Variants in AGBL1 observed in about 807,000 individuals in gnomAD.
AGBL1 encodes cytosolic carboxypeptidase 4.
Under a neutral mutation model 118.9 loss-of-function variants are expected in AGBL1, and 130 were observed. That is an observed-to-expected ratio of 1.09 (90% confidence interval 0.95 to 1.26). The LOEUF (loss-of-function observed/expected upper bound fraction) is 1.26. Ranked by LOEUF, AGBL1 falls within the 50% of genes most tolerant of loss-of-function variation. The pLI is 0.00. For missense variants in AGBL1, 1,584 were observed against 1,298.1 expected, an observed-to-expected ratio of 1.22 and a Z score of -3.38; for synonymous variants, 555 against 478.9, an observed-to-expected ratio of 1.16 and a Z score of -2.08.
intron 6 of AGBL1, among the ~76,000 whole-genome samples, chr15:86,230,395 G>A (rs1005672594): frequency 8.5e-5 from 13 of 152,232 alleles, no homozygotes; most frequent in African/African-American, 3.1e-4. Context: ...GGAGTCCTCA[G>A]AATGGCAATA....
chr15:86,825,452 C>A (rs1345331739), intron 22 of AGBL1, among the ~76,000 whole-genome samples: 2 of 73,808 alleles, frequency 2.7e-5, no homozygotes, highest in African/African-American at 5.1e-5. Flanking sequence ...TGGGAAAGAA[C>A]TTTTATCAAT....
rs563873715 is a variant in AGBL1 at position 86,622,857 on chromosome 15, A to G, written c.2995-51416A>G. Among the ~76,000 whole-genome samples, 6 of 152,248 alleles carry G rather than the reference A, an allele frequency of 3.9e-5. No individual in the cohort carries two copies. The South Asian group carries it at 1.2e-3, about 32-fold the overall frequency. On this transcript the variant is annotated intron_variant, in intron 21 of 22. Coordinates refer to ENST00000614907, the MANE Select transcript of AGBL1 (RefSeq NM_001386094.1). ...ATTATACAACTCACCATAATGTAGAATCAGTGGGAGCCCTGAACTCATTTT... is the reference window on the plus strand; with the variant it reads ...ATTATACAACTCACCATAATGTAGAGTCAGTGGGAGCCCTGAACTCATTTT...
At chr15:86,746,308 A>G (rs1400515044) in intron 22 of AGBL1, among the ~76,000 whole-genome samples, 1 of 152,120 alleles carries the variant, frequency 6.6e-6, no homozygotes, top group African/African-American at 2.4e-5. Flanking sequence ...ATTTCTTCAA[A>G]CATGACATAT....
chr15:86,485,397 A>AT (rs5814243), intron 18 of AGBL1, among the ~76,000 whole-genome samples: 104,303 of 151,932 alleles, frequency 0.69, 37,017 homozygotes, highest in African/African-American at 0.83. Context: ...AACTATACTT[A>AT]TTTTAATACA....
chr15:86,942,680 G>C (rs182548336), intron 23 of AGBL1, among the ~76,000 whole-genome samples: 141 of 152,152 alleles, frequency 9.3e-4, no homozygotes, highest in Non-Finnish European at 1.6e-3. Flanking sequence ...CTTACTGAGC[G>C]TTTGTGATTC....
chr15:86,367,637 T>C (rs1337895253), intron 17 of AGBL1, among the ~76,000 whole-genome samples: 1 of 151,936 alleles, frequency 6.6e-6, no homozygotes, highest in African/African-American at 2.4e-5. Context: ...AGATGCATGG[T>C]AGGGAGGAAG....
At chr15:86,210,434 T>C (rs1033022036) in intron 5 of AGBL1, among the ~76,000 whole-genome samples, 1 of 152,236 alleles carries the variant, frequency 6.6e-6, no homozygotes, top group Non-Finnish European at 1.5e-5. Context: ...TCATTCTCCC[T>C]GTCACTTTCA....
chr15:86,753,277 G>C (rs1438263576), intron 22 of AGBL1, among the ~76,000 whole-genome samples: 1 of 151,946 alleles, frequency 6.6e-6, no homozygotes, highest in East Asian at 1.9e-4. Flanking sequence ...TCTGACCAAT[G>C]ATGAGGCACC....
intron 21 of AGBL1, among the ~76,000 whole-genome samples, chr15:86,673,821 T>C (rs1359035953): frequency 6.6e-6 from 1 of 152,196 alleles, no homozygotes; most frequent in Middle Eastern, 3.2e-3. Context: ...TATTTATATA[T>C]GAAATATTTC....
At position 86,482,113 on chromosome 15, in the gene AGBL1, T is replaced by G. The variant is rs116142798; in HGVS notation, c.2556-40697T>G. 4.0e-3 allele frequency among the ~76,000 whole-genome samples: 608 copies of G among 152,254 alleles called. 4 individuals carry two copies. Among genetic ancestry groups the G allele is most frequent in the African/African-American group, 0.014 (585 of 41,550 alleles). On this transcript the variant is annotated intron_variant, in intron 18 of 22. Transcript: ENST00000614907. ...GCAATGTGTTCCTGACTTATAACTG[T>G]GATGAGTTAACCTACTTTTGTAATA...
intron 22 of AGBL1, among the ~76,000 whole-genome samples, chr15:86,819,663 A>G (rs181522185): frequency 2.4e-4 from 36 of 152,254 alleles, no homozygotes; most frequent in Non-Finnish European, 4.0e-4. Context: ...ACATGGAAAA[A>G]CATTCCATGC....
chr15:86,988,151 T>G, intron 24 of AGBL1: 2 of 1,572,444 alleles, frequency 1.3e-6, no homozygotes, highest in Middle Eastern at 1.7e-4. Flanking sequence ...TGAAATACCC[T>G]GCATGTGACT....
At chr15:86,382,465 C>T (rs2081125748) in intron 17 of AGBL1, among the ~76,000 whole-genome samples, 1 of 152,106 alleles carries the variant, frequency 6.6e-6, no homozygotes, top group Admixed American at 6.5e-5. Flanking sequence ...TCTTGGCCTG[C>T]CAGGGGCTCT....
At chr15:86,895,223 C>T (rs1227523943) in intron 22 of AGBL1, among the ~76,000 whole-genome samples, 5 of 151,378 alleles carry the variant, frequency 3.3e-5, no homozygotes, top group African/African-American at 1.2e-4. Flanking sequence ...AGATGTAAAA[C>T]ATTATATTCT....
intron 5 of AGBL1, among the ~76,000 whole-genome samples, chr15:86,170,751 C>T (rs910240601): frequency 3.9e-5 from 6 of 151,914 alleles, no homozygotes; most frequent in African/African-American, 1.5e-4. Context: ...GAGGCTGAGG[C>T]AGGAGAATTG....
At chr15:86,358,908 A>G (rs184883636) in intron 17 of AGBL1, among the ~76,000 whole-genome samples, 38 of 151,784 alleles carry the variant, frequency 2.5e-4, no homozygotes, top group African/African-American at 8.4e-4. Flanking sequence ...AGTTCCTTAT[A>G]TATTTTGAAT....
At position 86,415,722 on chromosome 15, in the gene AGBL1, T is replaced by C. The variant is rs115314438; in HGVS notation, c.2555+18176T>C. Reference sequence around the variant, plus strand: ...GAATGTTTCCTGGTATGTCACTGTGTAGTTGATCTAAATGGATCAAGTCTT... The same window carrying C: ...GAATGTTTCCTGGTATGTCACTGTGCAGTTGATCTAAATGGATCAAGTCTT... On this transcript the variant is annotated intron_variant, in intron 18 of 22. Coordinates refer to ENST00000614907, the MANE Select transcript of AGBL1 (RefSeq NM_001386094.1). Among the ~76,000 whole-genome samples the C allele has an allele frequency of 3.2e-3, 483 of 152,314 alleles. 1 individual carries two copies. The highest frequency in any genetic ancestry group is 0.011 in the African/African-American group (456 of 41,576).
chr15:86,084,401 T>G (rs1895494921), intron 1 of AGBL1, among the ~76,000 whole-genome samples: 1 of 152,244 alleles, frequency 6.6e-6, no homozygotes, highest in South Asian at 2.1e-4. Context: ...CTTTCCTCTC[T>G]CTGCCACCTG....
chr15:86,743,731 T>G (rs1362411108), intron 22 of AGBL1, among the ~76,000 whole-genome samples: 1 of 151,986 alleles, frequency 6.6e-6, no homozygotes, highest in African/African-American at 2.4e-5. Flanking sequence ...CCCTGAAAAA[T>G]ATCTGAGAGC....
Sources: allele counts gnomAD v4.1 joint callset (sites outside exome capture counted in the v4.1 genomes callset), GRCh38; gene constraint gnomAD v4.1.1; transcripts MANE v1.5; gene names NCBI Gene and HGNC (gene_info 2026-07-23, HGNC 2026-07-21).